Variants in AUTS2 observed in about 807,000 individuals in gnomAD.
AUTS2 encodes activator of transcription and developmental regulator AUTS2, also known as autism susceptibility gene 2 protein.
AUTS2 carries 17 observed loss-of-function variants against 112.4 expected under a neutral mutation model. The ratio of observed to expected loss-of-function variants is 0.15; its 90% CI spans 0.10 to 0.23. AUTS2 has a LOEUF of 0.23. Ranked by LOEUF, AUTS2 falls within the 10% of genes least tolerant of loss-of-function variation. The pLI is 1.00. For missense variants in AUTS2, 1,510 were observed against 1,701.6 expected (o/e 0.89, Z 1.98); for synonymous variants, 751 against 702.7 (o/e 1.07, Z -1.09).
intron 4 of AUTS2, among the ~76,000 whole-genome samples, chr7:70,172,742 T>C (rs1019822257): frequency 6.6e-6 from 1 of 152,254 alleles, no homozygotes; most frequent in Non-Finnish European, 1.5e-5. Flanking sequence ...CCAAAGCTTT[T>C]TGAGAGCAAA....
intron 1 of AUTS2, among the ~76,000 whole-genome samples, chr7:69,717,738 GA>G (rs1418343293): frequency 6.6e-6 from 1 of 152,068 alleles, no homozygotes; most frequent in Admixed American, 6.5e-5. Context: ...ATTGAAGGGG[GA>G]AAACAAATGA....
intron 4 of AUTS2, among the ~76,000 whole-genome samples, chr7:70,378,214 A>C (rs1484321012): frequency 6.6e-6 from 1 of 152,146 alleles, no homozygotes; most frequent in Non-Finnish European, 1.5e-5. Context: ...GGTTGCTTTC[A>C]CATTTTCTCT....
At chr7:70,686,688 A>G (rs193101583) in intron 5 of AUTS2, among the ~76,000 whole-genome samples, 5 of 150,918 alleles carry the variant, frequency 3.3e-5, no homozygotes, top group Admixed American at 2.0e-4. Context: ...ACCTGCCACT[A>G]TGCCCGGTTA....
intron 4 of AUTS2, among the ~76,000 whole-genome samples, chr7:70,257,751 C>T (rs1786960231): frequency 6.6e-6 from 1 of 151,984 alleles, no homozygotes; most frequent in Non-Finnish European, 1.5e-5. Context: ...AGCCATCATG[C>T]CCAGCCTGCC....
At chr7:69,745,662 A>G (rs963577836) in intron 1 of AUTS2, among the ~76,000 whole-genome samples, 1 of 152,292 alleles carries the variant, frequency 6.6e-6, no homozygotes, top group South Asian at 2.1e-4. Flanking sequence ...TGCAAATTCC[A>G]ATATAGATTA....
chr7:69,665,874 C>T (rs916781606), intron 1 of AUTS2, among the ~76,000 whole-genome samples: 16 of 152,066 alleles, frequency 1.1e-4, no homozygotes, highest in Admixed American at 7.2e-4. Flanking sequence ...TTCAGGCTCT[C>T]TTGATTTCTA....
rs71077632 is a variant in AUTS2, at chr7:70,213,538, C to CAAAA, written c.660+78980_660+78983dup. Among the ~76,000 whole-genome samples the CAAAA allele has an allele frequency of 5.6e-5, 7 of 124,720 alleles. No homozygotes were observed. The East Asian group carries it at 9.3e-4, about 17-fold the overall frequency. 81.8% of individuals were successfully genotyped at this position (124,720 alleles called of 152,430 possible). On this transcript the variant is annotated intron_variant, in intron 4 of 18. Transcript: ENST00000342771. ...GTGACAGAGCAGCAAGACCCTGTCT[C>CAAAA]AAAAAAAAAAAAAAAAGTTACTATT...
At chr7:69,807,977 T>A (rs1401421650) in intron 1 of AUTS2, among the ~76,000 whole-genome samples, 2 of 144,114 alleles carry the variant, frequency 1.4e-5, no homozygotes, top group African/African-American at 5.1e-5. Context: ...GGAGCCTTGC[T>A]CTGTTGCCCA....
chr7:70,422,715 G>T (rs1795274221), intron 4 of AUTS2, among the ~76,000 whole-genome samples: 1 of 152,126 alleles, frequency 6.6e-6, no homozygotes. Context: ...GGCGGAAGTT[G>T]CAGTGAGCCA....
chr7:70,012,180 G>T (rs746454424), intron 2 of AUTS2, among the ~76,000 whole-genome samples: 5 of 152,154 alleles, frequency 3.3e-5, no homozygotes, highest in Non-Finnish European at 7.3e-5. Context: ...TAGTTAATGA[G>T]TAGGCACATT....
At chr7:70,628,516 T>G (rs200623541) in intron 5 of AUTS2, among the ~76,000 whole-genome samples, 1 of 152,030 alleles carries the variant, frequency 6.6e-6, no homozygotes, top group South Asian at 2.1e-4. Flanking sequence ...TAATTTATCA[T>G]TGAAACTGAG....
intron 4 of AUTS2, among the ~76,000 whole-genome samples, chr7:70,395,802 A>G (rs1794055579): frequency 1.3e-5 from 2 of 152,210 alleles, no homozygotes; most frequent in Non-Finnish European, 2.9e-5. Context: ...AACTAGCTGT[A>G]CAGATCTGGG....
intron 1 of AUTS2, among the ~76,000 whole-genome samples, chr7:69,876,380 A>G (rs1229491744): frequency 3.6e-5 from 4 of 112,114 alleles, no homozygotes; most frequent in South Asian, 5.6e-4. Flanking sequence ...ATATATATAT[A>G]TATGTATATA....
chr7:70,716,636 CAAAAAAAAAA>C (rs34972760), intron 6 of AUTS2, among the ~76,000 whole-genome samples: 15 of 64,936 alleles, frequency 2.3e-4, no homozygotes, highest in South Asian at 1.4e-3. Flanking sequence ...GACTCCGTCT[CAAAAAAAAAA>C]AAAAAAAAAA....
chr7:70,663,889 C>T (rs550991135), intron 5 of AUTS2, among the ~76,000 whole-genome samples: 9 of 152,306 alleles, frequency 5.9e-5, no homozygotes, highest in African/African-American at 1.2e-4. Context: ...TACCACATCT[C>T]AGAATGAGTG....
At chr7:70,068,102 A>G (rs1802578736) in intron 2 of AUTS2, among the ~76,000 whole-genome samples, 1 of 152,154 alleles carries the variant, frequency 6.6e-6, no homozygotes, top group South Asian at 2.1e-4. Context: ...AATTGAAAAC[A>G]GAAAGAAAAT....
chr7:69,805,190 A>C (rs575116914), intron 1 of AUTS2, among the ~76,000 whole-genome samples: 2 of 152,220 alleles, frequency 1.3e-5, no homozygotes, highest in Non-Finnish European at 2.9e-5. Flanking sequence ...AACAGGAGAT[A>C]AATCTGCAAA....
At position 70,419,881 on chromosome 7, in the gene AUTS2, G is replaced by C. The variant is rs552980939; in HGVS notation, c.661-15871G>C. ...ACTAGTGAGGTGGAACATTTTTTTC[G>C]TATGTTTATTAGCCATTTATATTTC... On this transcript the variant is annotated intron_variant, in intron 4 of 18. Transcript: ENST00000342771. Among the ~76,000 whole-genome samples, 10 of 151,818 alleles carry C rather than the reference G, an allele frequency of 6.6e-5. No individual in the cohort carries two copies. The South Asian group carries it at 1.9e-3, about 28-fold the overall frequency.
chr7:70,231,454 T>A (rs748455349), intron 4 of AUTS2, among the ~76,000 whole-genome samples: 43 of 152,248 alleles, frequency 2.8e-4, no homozygotes, highest in Middle Eastern at 6.8e-3. Context: ...TTTTGTTTTT[T>A]GTTTTTGAGA....
Sources: allele counts gnomAD v4.1 joint callset (sites outside exome capture counted in the v4.1 genomes callset), GRCh38; gene constraint gnomAD v4.1.1; transcripts MANE v1.5; gene names NCBI Gene and HGNC (gene_info 2026-07-23, HGNC 2026-07-21).